Variants in IFNLR1 observed in about 807,000 individuals in gnomAD.
IFNLR1 encodes interferon lambda receptor 1, also known as CRF2-12.
A neutral mutation model predicts 52.5 loss-of-function variants in IFNLR1; 28 were observed. The observed-to-expected ratio is 0.53, with a 90% confidence interval of 0.40 to 0.73. The LOEUF is 0.73. Ranked by LOEUF, IFNLR1 falls within the 30% of genes least tolerant of loss-of-function variation. The pLI, the probability that IFNLR1 is intolerant of heterozygous loss-of-function variation, is 0.00. For synonymous variants in IFNLR1, 276 were observed against 274.9 expected, an observed-to-expected ratio of 1.00 and a Z score of -0.04; for missense variants, 623 against 659.1, an observed-to-expected ratio of 0.95 and a Z score of 0.60.
rs1218242411 is a variant in IFNLR1, at chr1:24,171,644, A to G, written c.183-2043T>C. Reference sequence around the variant, plus strand: ...TGGGACCACAGGTACCTGCCACTACACCCAGCTAATTTTCTTTTCTTTTTT... The same window carrying G: ...TGGGACCACAGGTACCTGCCACTACGCCCAGCTAATTTTCTTTTCTTTTTT... On this transcript the variant is annotated intron_variant, in intron 2 of 6. Transcript: ENST00000327535. 5.4e-5 allele frequency among the ~76,000 whole-genome samples: 8 copies of G among 147,162 alleles called. No individual in the cohort carries two copies. In the East Asian group the frequency reaches 1.6e-3, roughly 29 times the overall value.
At chr1:24,170,134 C>G (rs550148779) in intron 2 of IFNLR1, among the ~76,000 whole-genome samples, 1 of 152,158 alleles carries the variant, frequency 6.6e-6, no homozygotes. Flanking sequence ...GAAGACGCAG[C>G]GAGAAGGCAC....
Position 24,154,662 on chromosome 1 carries a change from G to A in IFNLR1, c.*2468C>T, listed in dbSNP as rs1212894984. 2 of 152,234 alleles carry A rather than the reference G, an allele frequency of 1.3e-5. No individual in the cohort carries two copies. The highest frequency in any genetic ancestry group is 2.4e-5 in the African/African-American group (1 of 41,464). The allele number at this position is 152,234 out of a possible 1,614,324, so 9.4% of individuals were successfully genotyped here. A position where few individuals can be genotyped will look rare whatever the true frequency, so the allele number is the denominator to read the frequency against. On this transcript the variant is annotated 3_prime_UTR_variant, in exon 7 of 7. Coordinates refer to ENST00000327535, the MANE Select transcript of IFNLR1 (RefSeq NM_170743.4). The stretch of plus-strand genomic sequence containing the variant: ...TCACGCCTGTAATCCCAGCACTTTG[G>A]GAGGCCGAGGCGGGCGGATCACCTG...
intron 2 of IFNLR1, among the ~76,000 whole-genome samples, chr1:24,178,497 T>G (rs1008282066): frequency 6.6e-6 from 1 of 152,060 alleles, no homozygotes; most frequent in African/African-American, 2.4e-5. Context: ...CTTGTCGTAA[T>G]GGACAGCTGG....
At position 24,182,018 on chromosome 1, in the gene IFNLR1, G is replaced by C. The variant is rs1223549220; in HGVS notation, c.59-1164C>G. The stretch of plus-strand genomic sequence containing the variant: ...ATTCAAGACCAGTCTTGGCCAACTT[G>C]GTGAAACCTCGTCTCTACTAAAAAT... On this transcript the variant is annotated intron_variant, in intron 1 of 6. Transcript: ENST00000327535. Among the ~76,000 whole-genome samples the C allele has an allele frequency of 2.0e-5, 3 of 152,080 alleles. No individual in the cohort carries two copies. In the East Asian group the frequency reaches 5.8e-4, roughly 29 times the overall value.
chr1:24,180,963 G>T, intron 1 of IFNLR1, 109 bp from the exon 2 acceptor site: 2 of 1,122,730 alleles, frequency 1.8e-6, no homozygotes, highest in East Asian at 2.6e-5. Context: ...CACTGAGTTT[G>T]AGGAACCAGG....
intron 3 of IFNLR1, among the ~76,000 whole-genome samples, chr1:24,162,835 CT>C (rs1644470210): frequency 7.0e-5 from 3 of 43,100 alleles, no homozygotes; most frequent in African/African-American, 1.0e-4. Flanking sequence ...TCTTTCTTTT[CT>C]TTCTTTCTTT....
chr1:24,165,790 C>G (rs781532184), intron 3 of IFNLR1, among the ~76,000 whole-genome samples: 40 of 152,296 alleles, frequency 2.6e-4, no homozygotes, highest in Non-Finnish European at 4.6e-4. Flanking sequence ...TGGGTACTGA[C>G]TAGGTATCAA....
At chr1:24,185,976 G>A (rs770334328) in intron 1 of IFNLR1, among the ~76,000 whole-genome samples, 12 of 152,174 alleles carry the variant, frequency 7.9e-5, no homozygotes, top group Non-Finnish European at 1.8e-4. Flanking sequence ...GTTTGTGTGG[G>A]AGCCAGTATT....
At chr1:24,174,231 G>A (rs942589602) in intron 2 of IFNLR1, among the ~76,000 whole-genome samples, 2 of 152,146 alleles carry the variant, frequency 1.3e-5, no homozygotes, top group African/African-American at 2.4e-5. Context: ...ACCTAGCAAC[G>A]CCTTGACCTT....
intron 2 of IFNLR1, among the ~76,000 whole-genome samples, chr1:24,179,697 A>C (rs1183295484): frequency 6.6e-6 from 1 of 152,194 alleles, no homozygotes; most frequent in East Asian, 1.9e-4. Context: ...TGGGGAAAAC[A>C]CAGAGCCTGC....
intron 2 of IFNLR1, among the ~76,000 whole-genome samples, chr1:24,172,867 A>T (rs919818051): frequency 5.3e-5 from 8 of 152,160 alleles, no homozygotes; most frequent in African/African-American, 1.7e-4. Flanking sequence ...GATGGCCGTC[A>T]TCTTGCTGTG....
intron 2 of IFNLR1, among the ~76,000 whole-genome samples, chr1:24,170,023 A>G (rs547278417): frequency 6.6e-6 from 1 of 152,358 alleles, no homozygotes; most frequent in Admixed American, 6.5e-5. Flanking sequence ...TCAGAGGGGA[A>G]CATGCAGGTC....
intron 3 of IFNLR1, among the ~76,000 whole-genome samples, chr1:24,162,831 T>TTTCTTTTCTTTC (rs201014664): frequency 3.0e-5 from 1 of 33,826 alleles, no homozygotes; most frequent in Non-Finnish European, 5.9e-5. Flanking sequence ...TCTTTCTTTC[T>TTTCTTTTCTTTC]TTTCTTTCTT....
chr1:24,157,003 TTCCCGGAAGTGCAATGCCCC>T lies in IFNLR1; in HGVS notation c.*107_*126del. The T allele has an allele frequency of 8.9e-7, 1 of 1,124,520 alleles. No individual in the cohort carries two copies. 69.7% of individuals were successfully genotyped at this position (1,124,520 alleles called of 1,614,324 possible). On this transcript the variant is annotated 3_prime_UTR_variant, in exon 7 of 7. Coordinates refer to ENST00000327535, the MANE Select transcript of IFNLR1 (RefSeq NM_170743.4). This position sits in a 1 kb window ranked among gnomAD's most constrained non-coding sequence, Gnocchi z 5.1. ...ACAGGCAAACAGCCGCTAGGTGGAC[TTCCCGGAAGTGCAATGCCCC>T]TCCGCCGCCCAGGGGAGGTACGGAG...
chr1:24,164,473 G>T (rs1335984260), intron 3 of IFNLR1, among the ~76,000 whole-genome samples: 1 of 152,150 alleles, frequency 6.6e-6, no homozygotes, highest in African/African-American at 2.4e-5. Context: ...GTCTCCTATG[G>T]ATGTCATGGG....
At chr1:24,171,274 G>T (rs148120724) in intron 2 of IFNLR1, among the ~76,000 whole-genome samples, 1 of 151,266 alleles carries the variant, frequency 6.6e-6, no homozygotes, top group Non-Finnish European at 1.5e-5. Context: ...AATAAATAAA[G>T]AACAACACAG....
intron 3 of IFNLR1, among the ~76,000 whole-genome samples, chr1:24,169,035 C>T (rs1363113441): frequency 1.3e-5 from 2 of 152,318 alleles, no homozygotes; most frequent in East Asian, 1.9e-4. Flanking sequence ...TGAGCCACCA[C>T]GCCTGGCCCA....
At chr1:24,171,663 CTT>C (rs557134606) in intron 2 of IFNLR1, among the ~76,000 whole-genome samples, 2 of 144,456 alleles carry the variant, frequency 1.4e-5, no homozygotes, top group Non-Finnish European at 1.5e-5. Context: ...ATTTTCTTTT[CTT>C]TTTTTTTTTG....
chr1:24,182,965 T>C (rs1435840799), intron 1 of IFNLR1, among the ~76,000 whole-genome samples: 1 of 149,430 alleles, frequency 6.7e-6, no homozygotes, highest in Non-Finnish European at 1.5e-5. Flanking sequence ...ACAACATCTG[T>C]CATATACATT....
Sources: gnomAD v4.1 joint callset for allele counts (sites outside exome capture counted in the v4.1 genomes callset) on GRCh38, gnomAD v4.1.1 for gene constraint, Gnocchi (gnomAD v3.1) non-coding constraint, MANE v1.5 for transcripts, NCBI Gene and HGNC (gene_info 2026-07-23, HGNC 2026-07-21) for gene names.